SLC44A5: variants seen among roughly 807,000 people sequenced by gnomAD.
SLC44A5 encodes the protein solute carrier family 44 member 5.
In SLC44A5, 57 loss-of-function variants were observed where a neutral mutation model predicts 101.8. That is an observed-to-expected ratio of 0.56 (90% CI 0.45 to 0.70). SLC44A5 has a LOEUF of 0.70. Among genes scored for constraint, SLC44A5 ranks in the 30% least tolerant of loss-of-function variants. The pLI, the probability that SLC44A5 is intolerant of heterozygous loss-of-function variation, is 0.00. For synonymous variants in SLC44A5, 281 were observed against 290.9 expected (o/e 0.97, Z 0.35); for missense variants, 737 against 853.1 (o/e 0.86, Z 1.70).
At chr1:75,313,528 T>C (rs768011583) in intron 4 of SLC44A5, among the ~76,000 whole-genome samples, 8 of 152,166 alleles carry the variant, frequency 5.3e-5, no homozygotes, top group Non-Finnish European at 1.0e-4. Flanking sequence ...ATTGTTGGCT[T>C]TAGTCCCTGA....
chr1:75,203,645 A>G lies in SLC44A5; in HGVS notation c.*82T>C. ...GTGAATACAGTGTTGCTAAACACAA[A>G]GCACTTATGAAACAAATGTTGCACA... is the stretch of plus-strand genomic sequence containing the variant. On this transcript the variant is annotated 3_prime_UTR_variant, in exon 24 of 24. Coordinates refer to ENST00000370859, the MANE Select transcript of SLC44A5 (RefSeq NM_001130058.2). 6.9e-7 allele frequency: 1 copy of G among 1,457,528 alleles called. No individual in the cohort carries two copies. Among genetic ancestry groups the G allele is most frequent in the Non-Finnish European group, 9.1e-7 (1 of 1,099,452 alleles). The allele number at this position is 1,457,528 out of a possible 1,614,324, so 90.3% of individuals were successfully genotyped here.
chr1:75,679,112 T>G, the SLC44A5 span, among the ~76,000 whole-genome samples: 2 of 152,060 alleles, frequency 1.3e-5, no homozygotes, highest in South Asian at 2.1e-4. Flanking sequence ...TGGGACTATG[T>G]GAAAAGACCA....
chr1:75,398,310 C>T (rs963964063), intron 2 of SLC44A5: 2 of 892,828 alleles, frequency 2.2e-6, no homozygotes, highest in Non-Finnish European at 2.7e-6. Context: ...CCCTCTACTC[C>T]AATTTTCTCC....
chr1:75,522,131 A>G (rs947561463), intron 2 of SLC44A5: 4 of 152,164 alleles, frequency 2.6e-5, no homozygotes, highest in African/African-American at 9.7e-5. Context: ...GCAGGTGAAT[A>G]GTTTTCAAGG....
chr1:75,620,591 C>T, the SLC44A5 span, among the ~76,000 whole-genome samples: 1 of 152,180 alleles, frequency 6.6e-6, no homozygotes, highest in Non-Finnish European at 1.5e-5. Context: ...TGATGATGAG[C>T]ATTTTTTCAT....
intron 13 of SLC44A5, among the ~76,000 whole-genome samples, chr1:75,225,936 C>A (rs1166802503): frequency 6.6e-6 from 1 of 152,080 alleles, no homozygotes; most frequent in Non-Finnish European, 1.5e-5. Context: ...GAACCCGTAA[C>A]TAAGATCCAT....
chr1:75,580,765 G>A (rs1466182171), intron 1 of SLC44A5, among the ~76,000 whole-genome samples: 1 of 151,062 alleles, frequency 6.6e-6, no homozygotes, highest in East Asian at 2.0e-4. Context: ...TAGAACCTGG[G>A]AGGCAGAGGT....
intron 2 of SLC44A5, among the ~76,000 whole-genome samples, chr1:75,495,769 A>G (rs954913222): frequency 7.9e-5 from 12 of 152,242 alleles, no homozygotes; most frequent in Admixed American, 7.2e-4. Context: ...CAATCTCTGT[A>G]AAAATGCAAT....
chr1:75,614,561 C>A (rs369394032), upstream of SLC44A5, among the ~76,000 whole-genome samples: 13 of 152,152 alleles, frequency 8.5e-5, no homozygotes, highest in Non-Finnish European at 2.9e-5. Flanking sequence ...ACCTCTAGAG[C>A]GGAGCTAAGC....
intron 6 of SLC44A5, among the ~76,000 whole-genome samples, chr1:75,271,437 ACCT>A (rs1279061807): frequency 6.8e-6 from 1 of 146,408 alleles, no homozygotes; most frequent in African/African-American, 2.6e-5. Context: ...TTTATCCCTC[ACCT>A]CCTCATAGTC....
chr1:75,435,996 T>TA (rs2101611028), intron 2 of SLC44A5, among the ~76,000 whole-genome samples: 1 of 152,228 alleles, frequency 6.6e-6, no homozygotes, highest in South Asian at 2.1e-4. Flanking sequence ...GAGTAGCCAT[T>TA]AAAAATAAAT....
chr1:75,428,420 G>A (rs1421904614), intron 2 of SLC44A5, among the ~76,000 whole-genome samples: 1 of 152,134 alleles, frequency 6.6e-6, no homozygotes, highest in Non-Finnish European at 1.5e-5. Flanking sequence ...TCAAGGACAG[G>A]GAGTACGTCC....
At chr1:75,654,589 T>C in the SLC44A5 span, among the ~76,000 whole-genome samples, 1 of 152,124 alleles carries the variant, frequency 6.6e-6, no homozygotes, top group Non-Finnish European at 1.5e-5. Context: ...ATGAAGGGAA[T>C]ATGCCTGTGG....
intron 2 of SLC44A5, among the ~76,000 whole-genome samples, chr1:75,413,253 T>C (rs1663399420): frequency 6.6e-6 from 1 of 152,168 alleles, no homozygotes; most frequent in Non-Finnish European, 1.5e-5. Flanking sequence ...AGGCATCCAC[T>C]TGGGGTCTTG....
rs1674656058 is a variant in SLC44A5, at chr1:75,596,703, T to C, written c.-70+14337A>G. On this transcript the variant is annotated intron_variant, in intron 1 of 23. Transcript: ENST00000370859. ...AACAGAACTAAAAACAAAAACCACA[T>C]GATTATCTCAATAGATGCAGAAAGG... Among the ~76,000 whole-genome samples the C allele has an allele frequency of 3.3e-5, 5 of 152,166 alleles. No homozygotes were observed. The South Asian group carries it at 8.3e-4, about 25-fold the overall frequency.
intron 2 of SLC44A5, among the ~76,000 whole-genome samples, chr1:75,497,407 C>T (rs1056350398): frequency 6.6e-6 from 1 of 152,094 alleles, no homozygotes; most frequent in Non-Finnish European, 1.5e-5. Flanking sequence ...ACTGCATAAT[C>T]TCACTTATTT....
At chr1:75,385,378 C>T (rs550041618) in intron 3 of SLC44A5, among the ~76,000 whole-genome samples, 107 of 151,756 alleles carry the variant, frequency 7.1e-4, no homozygotes, top group African/African-American at 2.5e-3. Context: ...AAGGGGATAT[C>T]GCCACCAATC....
intron 2 of SLC44A5, chr1:75,538,160 G>T (rs1003704952): frequency 6.6e-6 from 1 of 152,188 alleles, no homozygotes. Flanking sequence ...GAACATCCAA[G>T]AATAAACAGA....
chr1:75,342,082 A>G (rs565910318), intron 3 of SLC44A5, among the ~76,000 whole-genome samples: 23 of 152,308 alleles, frequency 1.5e-4, no homozygotes, highest in African/African-American at 5.1e-4. Context: ...AATGGAGAAA[A>G]TGAGGAGAAA....
Sources: allele counts gnomAD v4.1 joint callset (sites outside exome capture counted in the v4.1 genomes callset), GRCh38; gene constraint gnomAD v4.1.1; transcripts MANE v1.5; gene names NCBI Gene and HGNC (gene_info 2026-07-23, HGNC 2026-07-21).